Variants in ABCB5 observed in about 807,000 individuals in gnomAD.
ABCB5 encodes the protein ATP-binding cassette sub-family B member 5.
ABCB5 carries 155 observed loss-of-function variants against 144.2 expected under a neutral mutation model. The ratio of observed to expected loss-of-function variants is 1.08; its 90% CI spans 0.94 to 1.23. The LOEUF is 1.23. Among genes scored for constraint, ABCB5 ranks in the 50% most tolerant of loss-of-function variants. The pLI is 0.00. For synonymous variants in ABCB5, 610 were observed against 528.6 expected (o/e 1.15, Z -2.11); for missense variants, 1,830 against 1,520.8 (o/e 1.20, Z -3.38).
chr7:20,697,682 T>C (rs574800513), intron 16 of ABCB5, among the ~76,000 whole-genome samples: 8 of 152,308 alleles, frequency 5.3e-5, no homozygotes, highest in Non-Finnish European at 1.0e-4. Context: ...TGTAACATAA[T>C]CCTTCCTCTG....
chr7:20,666,157 T>G (rs1785186382), intron 14 of ABCB5, among the ~76,000 whole-genome samples: 2 of 134,420 alleles, frequency 1.5e-5, no homozygotes, highest in Admixed American at 7.9e-5. Flanking sequence ...GCAACAAGAG[T>G]GAAACTCTGT....
chr7:20,675,605 A>T (rs754399160), intron 14 of ABCB5, among the ~76,000 whole-genome samples: 8 of 152,070 alleles, frequency 5.3e-5, no homozygotes, highest in Non-Finnish European at 1.2e-4. Context: ...TTTGACAATT[A>T]TTTCTCGGAT....
At chr7:20,694,647 T>G (rs1199354727) in intron 16 of ABCB5, among the ~76,000 whole-genome samples, 1 of 151,750 alleles carries the variant, frequency 6.6e-6, no homozygotes, top group East Asian at 1.9e-4. Flanking sequence ...CATGTAGGAG[T>G]GTCTTTATTC....
Position 20,650,146 on chromosome 7 carries a change from T to C in ABCB5, c.1331T>C (p.Phe444Ser). The change falls in exon 12 of 28, where the codon TTT becomes TCT. Residue 444 changes from phenylalanine (F) to serine (S), a missense_variant and splice_region_variant. By Grantham distance (155) the Phe-to-Ser change is radical. Coordinates refer to ENST00000404938, the MANE Select transcript of ABCB5 (RefSeq NM_001163941.2). The stretch of plus-strand genomic sequence containing the variant: ...AGGTTATATGATCCGGATGATGGCT[T>C]TGTAAGTGCAGCTAGCAAAACCATG... ...LQRLYDPDDGFIMVDENDIRA... is the reference protein window; with the variant it reads ...LQRLYDPDDGSIMVDENDIRA... 6.2e-7 allele frequency: 1 copy of C among 1,613,406 alleles called. No homozygotes were observed. Among genetic ancestry groups the C allele is most frequent in the Non-Finnish European group, 8.5e-7 (1 of 1,179,494 alleles).
At chr7:20,742,573 G>A (rs1232559510) in intron 24 of ABCB5, among the ~76,000 whole-genome samples, 1 of 152,126 alleles carries the variant, frequency 6.6e-6, no homozygotes, top group African/African-American at 2.4e-5. Context: ...ACCCAGATAA[G>A]CTGGTCAAAC....
chr7:20,721,039 G>A (rs1781851370), intron 20 of ABCB5, among the ~76,000 whole-genome samples: 1 of 150,212 alleles, frequency 6.7e-6, no homozygotes, highest in Non-Finnish European at 1.5e-5. Flanking sequence ...TGATTCCAAT[G>A]TAGATATCCT....
At chr7:20,747,263 C>G (rs1446611444) in intron 26 of ABCB5, among the ~76,000 whole-genome samples, 3 of 152,038 alleles carry the variant, frequency 2.0e-5, no homozygotes, top group African/African-American at 7.2e-5. Flanking sequence ...ATATTTGTAC[C>G]ATTTAACTTT....
chr7:20,685,281 C>T (rs778719585), intron 15 of ABCB5, among the ~76,000 whole-genome samples: 2 of 152,166 alleles, frequency 1.3e-5, no homozygotes, highest in Non-Finnish European at 2.9e-5. Context: ...CCCAAGGTCT[C>T]TCTCAGGCCC....
chr7:20,733,670 G>A (rs1450820397), intron 23 of ABCB5, among the ~76,000 whole-genome samples: 2 of 146,510 alleles, frequency 1.4e-5, no homozygotes, highest in African/African-American at 2.5e-5. Flanking sequence ...TTCGAGTCTC[G>A]CTCTGTCGCC....
chr7:20,710,387 G>T lies in ABCB5; in HGVS notation c.2421+5580G>T, dbSNP rs1388636680. Among the ~76,000 whole-genome samples, 4 of 119,588 alleles carry T rather than the reference G, an allele frequency of 3.3e-5. No homozygotes were observed. In the East Asian group the frequency reaches 9.5e-4, roughly 28 times the overall value. The allele number at this position is 119,588 out of a possible 152,430, so 78.5% of individuals were successfully genotyped here. On this transcript the variant is annotated intron_variant, in intron 20 of 27. Transcript: ENST00000404938. ...CACCTCAAAAAAAAAAAAAAGTGGG[G>T]GGGGGGCATGACTGTGTTTCAATAA...
intron 20 of ABCB5, among the ~76,000 whole-genome samples, chr7:20,715,403 A>ATGTGTGTGTGTGCGTG (rs1554287700): frequency 1.3e-5 from 2 of 151,476 alleles, no homozygotes; most frequent in Non-Finnish European, 2.9e-5. Context: ...TGCGTGGTGT[A>ATGTGTGTGTGTGCGTG]TGTGTGTGTG....
At chr7:20,661,248 C>A (rs1469107315) in intron 14 of ABCB5, among the ~76,000 whole-genome samples, 2 of 152,246 alleles carry the variant, frequency 1.3e-5, no homozygotes, top group Non-Finnish European at 2.9e-5. Flanking sequence ...AACTTCCCTT[C>A]CTACCATTCG....
chr7:20,641,779 A>T (rs187607412), intron 5 of ABCB5: 1 of 152,332 alleles, frequency 6.6e-6, no homozygotes, highest in Non-Finnish European at 1.5e-5. Context: ...AGGCAGGTCA[A>T]ATTCTCATAA....
chr7:20,668,418 T>C (rs1279331255), intron 14 of ABCB5, among the ~76,000 whole-genome samples: 1 of 143,548 alleles, frequency 7.0e-6, no homozygotes, highest in African/African-American at 2.7e-5. Flanking sequence ...GCCGCAACCC[T>C]GTCTGGGAGG....
chr7:20,726,529 G>T (rs1326042549), intron 21 of ABCB5, among the ~76,000 whole-genome samples: 1 of 151,858 alleles, frequency 6.6e-6, no homozygotes, highest in Non-Finnish European at 1.5e-5. Context: ...ACCATACCTG[G>T]TTAATTTTTG....
intron 19 of ABCB5, among the ~76,000 whole-genome samples, chr7:20,700,989 G>A (rs1040735731): frequency 6.6e-6 from 1 of 152,176 alleles, no homozygotes; most frequent in Non-Finnish European, 1.5e-5. Flanking sequence ...CCGTGCAACA[G>A]CTGTACTCTT....
At chr7:20,667,914 G>A (rs1489536629) in intron 14 of ABCB5, among the ~76,000 whole-genome samples, 2 of 137,774 alleles carry the variant, frequency 1.5e-5, no homozygotes, top group African/African-American at 5.6e-5. Flanking sequence ...TGGTGGAGAC[G>A]GGGTTTTGCT....
At chr7:20,743,149 T>G in intron 25 of ABCB5, 75 bp downstream of exon 25, 1 of 1,500,662 alleles carries the variant, frequency 6.7e-7, no homozygotes. Flanking sequence ...GGCTTAAGCA[T>G]CCCCACTGGT....
In ABCB5 at chr7:20,755,589, T is replaced by A; in HGVS notation, c.3739T>A (p.Tyr1247Asn). ...HQELLRNRDI[Y>N]FKLVNAQSVQ ...AGAGCTCCTGAGAAATCGAGACATATATTTTAAGTTAGTGAATGCACAGTC... is the reference window on the plus strand; with the variant it reads ...AGAGCTCCTGAGAAATCGAGACATAAATTTTAAGTTAGTGAATGCACAGTC... Residue 1247 changes from tyrosine (Y) to asparagine (N), a missense_variant, in exon 28 of 28, where the codon TAT becomes AAT. Coordinates refer to ENST00000404938, the MANE Select transcript of ABCB5 (RefSeq NM_001163941.2). 1 of 1,614,214 alleles carries A rather than the reference T, an allele frequency of 6.2e-7. No individual in the cohort carries two copies. The highest frequency in any genetic ancestry group is 1.3e-5 in the African/African-American group (1 of 75,060).
Sources: allele counts gnomAD v4.1 joint callset (sites outside exome capture counted in the v4.1 genomes callset), GRCh38; gene constraint gnomAD v4.1.1; transcripts MANE v1.5; gene names NCBI Gene and HGNC (gene_info 2026-07-23, HGNC 2026-07-21).